The following PHACTR1 variants were observed in gnomAD, a reference collection of about 807,000 sequenced individuals.
The protein encoded by PHACTR1 is phosphatase and actin regulator 1.
Under a neutral mutation model 69.2 loss-of-function variants are expected in PHACTR1, and 16 were observed. The ratio of observed to expected loss-of-function variants is 0.23; its 90% CI spans 0.16 to 0.35. The LOEUF is 0.35. PHACTR1 is among the 10% of genes least tolerant of loss of function. PHACTR1 has a pLI of 1.00. For missense variants in PHACTR1, 510 were observed against 734.7 expected (o/e 0.69, Z 3.54); for synonymous variants, 312 against 284.5 (o/e 1.10, Z -0.97).
intron 10 of PHACTR1, among the ~76,000 whole-genome samples, chr6:13,235,098 AG>A (rs780571611): frequency 1.3e-5 from 2 of 152,320 alleles, no homozygotes; most frequent in East Asian, 3.9e-4. Context: ...GTATTGATGA[AG>A]TTCTCTTAGA....
intron 4 of PHACTR1, among the ~76,000 whole-genome samples, chr6:12,896,944 G>T (rs1784728279): frequency 6.6e-6 from 1 of 152,174 alleles, no homozygotes; most frequent in Non-Finnish European, 1.5e-5. Flanking sequence ...ATCCCTTGTT[G>T]ATAGTGAAGT....
intron 3 of PHACTR1, among the ~76,000 whole-genome samples, chr6:12,741,441 T>A (rs888084238): frequency 2.0e-5 from 3 of 152,116 alleles, no homozygotes; most frequent in African/African-American, 4.8e-5. Context: ...GAATTTAATA[T>A]TGTGTGAGGC....
chr6:13,054,583 AC>A (rs1316410376), intron 5 of PHACTR1, among the ~76,000 whole-genome samples: 1 of 152,012 alleles, frequency 6.6e-6, no homozygotes. Context: ...CACTCACATC[AC>A]CTCTTCATTT....
At chr6:13,193,965 G>A (rs929614344) in intron 7 of PHACTR1, among the ~76,000 whole-genome samples, 2 of 152,118 alleles carry the variant, frequency 1.3e-5, no homozygotes, top group African/African-American at 4.8e-5. Flanking sequence ...CCTAGGAGCA[G>A]CAGCACCAGT....
At chr6:12,791,017 G>C (rs1000519574) in intron 4 of PHACTR1, among the ~76,000 whole-genome samples, 1 of 152,188 alleles carries the variant, frequency 6.6e-6, no homozygotes, top group African/African-American at 2.4e-5. Flanking sequence ...ATCCTATTCA[G>C]TCATCATGCA....
At chr6:13,000,581 G>C (rs1028304452) in intron 4 of PHACTR1, among the ~76,000 whole-genome samples, 25 of 140,916 alleles carry the variant, frequency 1.8e-4, no homozygotes, top group African/African-American at 6.4e-4. Context: ...AGAGTGGGAG[G>C]GGGAGAAAGA....
chr6:13,183,326 T>A (rs1370514780), intron 7 of PHACTR1, among the ~76,000 whole-genome samples: 1 of 151,834 alleles, frequency 6.6e-6, no homozygotes, highest in East Asian at 1.9e-4. Context: ...TAATGAGCAG[T>A]GGTACTTGTC....
At position 13,283,703 on chromosome 6, in the gene PHACTR1, CCTT is replaced by C; in HGVS notation, c.1650+142_1650+144del. On this transcript the variant is annotated intron_variant, in intron 13 of 14. Coordinates refer to ENST00000332995, the MANE Select transcript of PHACTR1 (RefSeq NM_030948.6). The surrounding 1 kb of genome is among the most constrained non-coding windows in gnomAD (Gnocchi z 4.7). Reference sequence around the variant, plus strand: ...ATAATGGAGTGTTGAGACCCCAACACCTTTCCCCAGGGGCCACAGATAATCTGC... The same window carrying C: ...ATAATGGAGTGTTGAGACCCCAACACTCCCCAGGGGCCACAGATAATCTGC... 4.0e-6 allele frequency: 5 copies of C among 1,248,046 alleles called. No individual in the cohort carries two copies. The highest frequency in any genetic ancestry group is 1.3e-5 in the South Asian group (1 of 78,378). The allele number at this position is 1,248,046 out of a possible 1,614,324, so 77.3% of individuals were successfully genotyped here.
intron 4 of PHACTR1, among the ~76,000 whole-genome samples, chr6:12,788,814 A>G (rs1250365283): frequency 6.6e-6 from 1 of 152,220 alleles, no homozygotes; most frequent in African/African-American, 2.4e-5. Flanking sequence ...ACCCTAAAGT[A>G]ACAAGAGGAG....
At chr6:13,193,052 T>G (rs1188176384) in intron 7 of PHACTR1, among the ~76,000 whole-genome samples, 1 of 152,046 alleles carries the variant, frequency 6.6e-6, no homozygotes. Context: ...AACATGACAG[T>G]CATCCATATT....
intron 4 of PHACTR1, among the ~76,000 whole-genome samples, chr6:13,027,488 A>G (rs1801860193): frequency 6.6e-6 from 1 of 152,012 alleles, no homozygotes; most frequent in Non-Finnish European, 1.5e-5. Flanking sequence ...TCCTACCAAC[A>G]CTTCTCAAGT....
At chr6:12,737,935 C>A (rs73722813) in intron 3 of PHACTR1, among the ~76,000 whole-genome samples, 5,257 of 152,162 alleles carry the variant, frequency 0.035, 301 homozygotes, top group African/African-American at 0.12. Context: ...CGCATCTATC[C>A]CCTGAAATAA....
At chr6:12,867,236 A>G (rs140958098) in intron 4 of PHACTR1, among the ~76,000 whole-genome samples, 211 of 152,098 alleles carry the variant, frequency 1.4e-3, no homozygotes, top group African/African-American at 4.5e-3. Flanking sequence ...CCATCCTAGC[A>G]CTCTAGCCTT....
In PHACTR1 at chr6:13,213,088, TTGAGTGAG is replaced by T. The variant is rs547670652; in HGVS notation, c.986+6976_986+6983del. Among the ~76,000 whole-genome samples, 11 of 151,884 alleles carry T rather than the reference TTGAGTGAG, an allele frequency of 7.2e-5. No individual in the cohort carries two copies. In the South Asian group the frequency reaches 1.0e-3, roughly 14 times the overall value. On this transcript the variant is annotated intron_variant, in intron 8 of 14. Coordinates refer to ENST00000332995, the MANE Select transcript of PHACTR1 (RefSeq NM_030948.6). Reference sequence around the variant, plus strand: ...CTACAACAGGGCCTGGCTTATAGGTTTGAGTGAGTGAGTGAGTGAGTGAGTGAGTGAAA... The same window carrying T: ...CTACAACAGGGCCTGGCTTATAGGTTTGAGTGAGTGAGTGAGTGAGTGAAA...
chr6:12,969,383 T>G (rs923228095), intron 4 of PHACTR1, among the ~76,000 whole-genome samples: 2 of 152,212 alleles, frequency 1.3e-5, no homozygotes, highest in Admixed American at 6.5e-5. Flanking sequence ...CCAAATACAC[T>G]AACTACAGAG....
chr6:13,081,111 C>A (rs1212180689), intron 5 of PHACTR1, among the ~76,000 whole-genome samples: 3 of 152,162 alleles, frequency 2.0e-5, no homozygotes, highest in Non-Finnish European at 4.4e-5. Flanking sequence ...AAGTGTCAGT[C>A]TTTTCATGTA....
intron 6 of PHACTR1, among the ~76,000 whole-genome samples, chr6:13,170,630 C>A (rs182562202): frequency 5.3e-5 from 8 of 152,310 alleles, no homozygotes; most frequent in African/African-American, 1.4e-4. Flanking sequence ...TAAAGTTAGA[C>A]AAGTCAATGG....
At chr6:12,826,735 A>G (rs1025695340) in intron 4 of PHACTR1, among the ~76,000 whole-genome samples, 4 of 152,198 alleles carry the variant, frequency 2.6e-5, no homozygotes, top group African/African-American at 9.6e-5. Flanking sequence ...CACAATTCAC[A>G]ATGTCCATAA....
At chr6:12,949,673 A>C (rs1489230575) in intron 4 of PHACTR1, among the ~76,000 whole-genome samples, 1 of 152,256 alleles carries the variant, frequency 6.6e-6, no homozygotes, top group Non-Finnish European at 1.5e-5. Context: ...CCTGATATAA[A>C]ACACTTTGAA....
Sources: gnomAD v4.1 joint callset for allele counts (sites outside exome capture counted in the v4.1 genomes callset) on GRCh38, gnomAD v4.1.1 for gene constraint, Gnocchi (gnomAD v3.1) non-coding constraint, MANE v1.5 for transcripts, NCBI Gene and HGNC (gene_info 2026-07-23, HGNC 2026-07-21) for gene names.